The following SCN7A variants were observed in gnomAD, a reference collection of about 807,000 sequenced individuals.
The protein encoded by SCN7A is sodium voltage-gated channel alpha subunit 7.
SCN7A carries 138 observed loss-of-function variants against 155.2 expected under a neutral mutation model. That is an observed-to-expected ratio of 0.89 (90% CI 0.77 to 1.02). SCN7A has a LOEUF of 1.02. SCN7A is among the 50% of genes least tolerant of loss of function. The pLI is 0.00. For missense variants in SCN7A, 2,058 were observed against 1,986.6 expected (o/e 1.04, Z -0.68); for synonymous variants, 693 against 649.0 (o/e 1.07, Z -1.03).
At chr2:166,423,150 T>TAG (rs1169422286) in intron 19 of SCN7A, 109 bp downstream of exon 19, 6 of 1,057,870 alleles carry the variant, frequency 5.7e-6, no homozygotes, top group South Asian at 1.6e-5. Flanking sequence ...ACCAACAATG[T>TAG]AGAGAGAGAG....
chr2:166,430,619 T>G (rs1287671603), intron 16 of SCN7A, among the ~76,000 whole-genome samples: 1 of 151,946 alleles, frequency 6.6e-6, no homozygotes, highest in Non-Finnish European at 1.5e-5. Context: ...ACTCAAATTA[T>G]AAATCATTTA....
chr2:166,444,707 G>T, intron 13 of SCN7A, 55 bp downstream of exon 13: 2 of 1,009,264 alleles, frequency 2.0e-6, no homozygotes, highest in Non-Finnish European at 2.9e-6. Context: ...ACAAAGAAAA[G>T]TTCAATGATA....
At chr2:166,429,810 C>T (rs1403095763) in intron 16 of SCN7A, among the ~76,000 whole-genome samples, 1 of 151,950 alleles carries the variant, frequency 6.6e-6, no homozygotes, top group Non-Finnish European at 1.5e-5. Flanking sequence ...GGGACAAGAA[C>T]AGGCCTGGGA....
chr2:166,469,726 C>A (rs1171009651), intron 7 of SCN7A, among the ~76,000 whole-genome samples: 1 of 151,840 alleles, frequency 6.6e-6, no homozygotes, highest in African/African-American at 2.4e-5. Context: ...GGAGCTAGAG[C>A]TGTGAAAATT....
chr2:166,462,669 T>C, intron 9 of SCN7A, 139 bp from the exon 10 acceptor site: 1 of 685,568 alleles, frequency 1.5e-6, no homozygotes, highest in Non-Finnish European at 2.3e-6. Flanking sequence ...TCCCAAACAA[T>C]TGCTTGCTAA....
chr2:166,459,054 C>T (rs1702346074), intron 10 of SCN7A, among the ~76,000 whole-genome samples: 1 of 152,086 alleles, frequency 6.6e-6, no homozygotes, highest in South Asian at 2.1e-4. Flanking sequence ...TTAGTATCCA[C>T]CAGAGGTCCT....
At chr2:166,438,236 T>G (rs1325666230) in intron 15 of SCN7A, among the ~76,000 whole-genome samples, 1 of 152,148 alleles carries the variant, frequency 6.6e-6, no homozygotes, top group Admixed American at 6.5e-5. Flanking sequence ...GATGGTTTTA[T>G]AAGGGGCTTT....
chr2:166,441,541 A>T lies in SCN7A; in HGVS notation c.2012T>A (p.Met671Lys). The change falls in exon 15 of 26, where the codon ATG becomes AAG. Residue 671 changes from methionine to lysine, a missense_variant. Met to Lys is a moderately conservative substitution (Grantham distance 95, BLOSUM62 -1). Transcript: ENST00000643258. ...DKDCQLPRWH[M>K]HDFFHSFLNV... ...CAGGAAGGAGTGGAAAAAGTCATGCATGTGCCAGCGTGGGAGTTGACAGTC... is the reference window on the plus strand; with the variant it reads ...CAGGAAGGAGTGGAAAAAGTCATGCTTGTGCCAGCGTGGGAGTTGACAGTC... 6.2e-7 allele frequency: 1 copy of T among 1,614,122 alleles called. No homozygotes were observed. Among genetic ancestry groups the T allele is most frequent in the South Asian group, 1.1e-5 (1 of 91,086 alleles).
chr2:166,483,417 T>C (rs1369363530), intron 2 of SCN7A, among the ~76,000 whole-genome samples: 2 of 152,010 alleles, frequency 1.3e-5, no homozygotes, highest in African/African-American at 4.8e-5. Context: ...TTGTTATATT[T>C]ATTTGCGTAG....
chr2:166,452,865 CAT>C, intron 11 of SCN7A, among the ~76,000 whole-genome samples: 1 of 152,252 alleles, frequency 6.6e-6, no homozygotes, highest in South Asian at 2.1e-4. Flanking sequence ...TGGTACTTAT[CAT>C]ATGTCTGGTG....
chr2:166,433,303 C>T (rs547482842), intron 15 of SCN7A, among the ~76,000 whole-genome samples: 180 of 152,076 alleles, frequency 1.2e-3, no homozygotes, highest in African/African-American at 4.1e-3. Context: ...CCTTGTACAC[C>T]ATAAATACAT....
At chr2:166,438,981 A>G (rs1701894286) in intron 15 of SCN7A, among the ~76,000 whole-genome samples, 1 of 146,962 alleles carries the variant, frequency 6.8e-6, no homozygotes, top group Non-Finnish European at 1.5e-5. Context: ...AAATATATAT[A>G]TATATATTTA....
At chr2:166,411,521 T>G (rs1307876067) in intron 23 of SCN7A, among the ~76,000 whole-genome samples, 1 of 151,892 alleles carries the variant, frequency 6.6e-6, no homozygotes, top group Non-Finnish European at 1.5e-5. Flanking sequence ...AGTGCTTGAC[T>G]TAAGGCAAGA....
chr2:166,469,306 C>T (rs889039303), intron 7 of SCN7A, among the ~76,000 whole-genome samples: 2 of 151,546 alleles, frequency 1.3e-5, no homozygotes, highest in African/African-American at 4.8e-5. Flanking sequence ...ACTGAATATT[C>T]ATCTAGGGTA....
chr2:166,436,156 G>C (rs1342628720), intron 15 of SCN7A, among the ~76,000 whole-genome samples: 1 of 152,126 alleles, frequency 6.6e-6, no homozygotes, highest in Non-Finnish European at 1.5e-5. Flanking sequence ...TATTTATTAA[G>C]TGATTGAAAT....
intron 12 of SCN7A, among the ~76,000 whole-genome samples, chr2:166,446,560 C>T (rs1702067143): frequency 6.6e-6 from 1 of 152,114 alleles, no homozygotes; most frequent in Admixed American, 6.6e-5. Flanking sequence ...ACCATAAAGA[C>T]ACATGCACAC....
At position 166,456,991 on chromosome 2, in the gene SCN7A, A is replaced by G; in HGVS notation, c.1169T>C (p.Leu390Ser). 1 of 1,609,692 alleles carries G rather than the reference A, an allele frequency of 6.2e-7. No individual in the cohort carries two copies. Among genetic ancestry groups the G allele is most frequent in the South Asian group, 1.1e-5 (1 of 90,128 alleles). ...TTCATAGGCCATGGCAAGTATGCCT[A>G]AGAACAAACTTGCCATATAAAAGGA... ...LFSFYMASLF[L>S]GILAMAYEEE... Residue 390 changes from leucine (L) to serine (S), a missense_variant, in exon 11 of 26, where the codon TTA (leucine) becomes TCA (serine). By Grantham distance (145) the Leu-to-Ser change is moderately radical. Transcript: ENST00000643258.
chr2:166,432,671 T>G lies in SCN7A; in HGVS notation c.2239A>C (p.Asn747His). 2.5e-6 allele frequency: 4 copies of G among 1,606,806 alleles called. No homozygotes were observed. Among genetic ancestry groups the G allele is most frequent in the Non-Finnish European group, 3.4e-6 (4 of 1,177,782 alleles). ...VTAEENNEAK[N>H]LQLAVARIKK... ...ATTCTTGCCACTGCAAGCTGGAGAT[T>G]TTTTGCTTCATTATTCTCTTCAGCT... is the stretch of plus-strand genomic sequence containing the variant. Residue 747 changes from asparagine to histidine, a missense_variant, in exon 16 of 26, where the codon AAT becomes CAT. Asn to His is a moderately conservative substitution (Grantham distance 68, BLOSUM62 1). Transcript: ENST00000643258.
chr2:166,470,566 G>A (rs1176170918), intron 7 of SCN7A, 49 bp downstream of exon 7: 4 of 1,470,374 alleles, frequency 2.7e-6, no homozygotes, highest in African/African-American at 2.8e-5. Context: ...TGAATACATG[G>A]CAGTACATAA....
Sources: allele counts gnomAD v4.1 joint callset (sites outside exome capture counted in the v4.1 genomes callset), GRCh38; gene constraint gnomAD v4.1.1; transcripts MANE v1.5; gene names NCBI Gene and HGNC (gene_info 2026-07-23, HGNC 2026-07-21).